Variants in ERBB4 observed in about 807,000 individuals in gnomAD.
The protein encoded by ERBB4 is erb-b2 receptor tyrosine kinase 4.
In ERBB4, 42 loss-of-function variants were observed where a neutral mutation model predicts 158.0. The ratio of observed to expected loss-of-function variants is 0.27; its 90% CI spans 0.21 to 0.34. The LOEUF (loss-of-function observed/expected upper bound fraction) is 0.34. ERBB4 is among the 10% of genes least tolerant of loss of function. The pLI, the probability that ERBB4 is intolerant of heterozygous loss-of-function variation, is 1.00. For synonymous variants in ERBB4, 583 were observed against 558.7 expected, an observed-to-expected ratio of 1.04 and a Z score of -0.61; for missense variants, 1,333 against 1,624.1, an observed-to-expected ratio of 0.82 and a Z score of 3.08.
intron 1 of ERBB4, among the ~76,000 whole-genome samples, chr2:212,263,305 A>T (rs1297084513): frequency 1.3e-5 from 2 of 151,976 alleles, no homozygotes; most frequent in African/African-American, 2.4e-5. Context: ...TGTTTTACCC[A>T]CTCAGTTTGT....
intron 20 of ERBB4, among the ~76,000 whole-genome samples, chr2:211,474,320 AC>A (rs1377952067): frequency 6.6e-6 from 1 of 151,964 alleles, no homozygotes; most frequent in Non-Finnish European, 1.5e-5. Flanking sequence ...ATTTCTCCAA[AC>A]CTATTATTAT....
intron 25 of ERBB4, among the ~76,000 whole-genome samples, chr2:211,410,200 TTATACGCAATGAATAATG>T (rs1233987525): frequency 6.6e-6 from 1 of 152,194 alleles, no homozygotes; most frequent in Non-Finnish European, 1.5e-5. Context: ...GTGTGGGACT[TTATACGCAATGAATAATG>T]TATTTGTTTT....
intron 2 of ERBB4, among the ~76,000 whole-genome samples, chr2:212,063,894 A>T (rs2077858951): frequency 6.6e-6 from 1 of 152,148 alleles, no homozygotes; most frequent in South Asian, 2.1e-4. Flanking sequence ...CCTCAGGAGT[A>T]GGAGCTATTA....
chr2:211,590,809 G>T (rs867793624), intron 19 of ERBB4, among the ~76,000 whole-genome samples: 3 of 152,192 alleles, frequency 2.0e-5, no homozygotes, highest in African/African-American at 7.2e-5. Flanking sequence ...AACCCATTGG[G>T]TGCTTACAAA....
chr2:212,160,833 T>TA (rs1194772054), intron 1 of ERBB4, among the ~76,000 whole-genome samples: 1 of 152,008 alleles, frequency 6.6e-6, no homozygotes, highest in African/African-American at 2.4e-5. Flanking sequence ...TTGTGAGATA[T>TA]CCGCACAAAT....
At chr2:212,437,831 C>A (rs776539057) in intron 1 of ERBB4, among the ~76,000 whole-genome samples, 1 of 151,898 alleles carries the variant, frequency 6.6e-6, no homozygotes, top group Non-Finnish European at 1.5e-5. Flanking sequence ...AATTAGAATA[C>A]CTCATCTTCC....
At chr2:212,044,235 T>C (rs189872055) in intron 2 of ERBB4, among the ~76,000 whole-genome samples, 2 of 152,122 alleles carry the variant, frequency 1.3e-5, no homozygotes, top group Admixed American at 1.3e-4. Flanking sequence ...GTTTAAAATA[T>C]AGACATAAAA....
intron 1 of ERBB4, among the ~76,000 whole-genome samples, chr2:212,282,216 T>A (rs975080538): frequency 1.3e-5 from 2 of 151,868 alleles, no homozygotes; most frequent in African/African-American, 4.8e-5. Context: ...CACAGGGATA[T>A]GTATTTTTTC....
At chr2:211,640,631 T>C (rs971416513) in intron 16 of ERBB4, among the ~76,000 whole-genome samples, 27 of 152,318 alleles carry the variant, frequency 1.8e-4, no homozygotes, top group African/African-American at 6.5e-4. Context: ...TAAATCCTTT[T>C]TCCATTAAAA....
At chr2:212,526,866 C>T (rs2106330439) in intron 1 of ERBB4, among the ~76,000 whole-genome samples, 1 of 152,132 alleles carries the variant, frequency 6.6e-6, no homozygotes, top group East Asian at 1.9e-4. Flanking sequence ...GCTAGTTGCA[C>T]AGCTGTATTA....
intron 1 of ERBB4, among the ~76,000 whole-genome samples, chr2:212,292,839 G>T (rs534639209): frequency 6.6e-6 from 1 of 152,150 alleles, no homozygotes; most frequent in Non-Finnish European, 1.5e-5. Flanking sequence ...CAATTAATAG[G>T]TCAAGTAAAA....
chr2:211,813,132 C>T (rs1347934654), intron 3 of ERBB4, among the ~76,000 whole-genome samples: 14 of 152,154 alleles, frequency 9.2e-5, no homozygotes, highest in Admixed American at 6.5e-5. Context: ...GCGTCAATCA[C>T]GCTGGGAGCT....
chr2:212,246,379 C>G (rs1232539112), intron 1 of ERBB4, among the ~76,000 whole-genome samples: 1 of 152,118 alleles, frequency 6.6e-6, no homozygotes, highest in Non-Finnish European at 1.5e-5. Context: ...GTGTACTATT[C>G]CTTCTCAAAA....
chr2:212,152,897 G>A (rs1445385131), intron 1 of ERBB4, among the ~76,000 whole-genome samples: 1 of 152,150 alleles, frequency 6.6e-6, no homozygotes, highest in Non-Finnish European at 1.5e-5. Flanking sequence ...GTAAGAGTGT[G>A]TAGTTCTAAG....
intron 12 of ERBB4, among the ~76,000 whole-genome samples, chr2:211,684,205 AT>A (rs1342395944): frequency 6.6e-6 from 1 of 152,196 alleles, no homozygotes; most frequent in Non-Finnish European, 1.5e-5. Context: ...TAATCCCAGC[AT>A]TTTGAGAGGC....
chr2:212,134,197 T>C (rs1224946712), intron 1 of ERBB4, among the ~76,000 whole-genome samples: 9 of 152,112 alleles, frequency 5.9e-5, no homozygotes. Flanking sequence ...GAGAAGTTTT[T>C]TTTTAATCTT....
intron 3 of ERBB4, among the ~76,000 whole-genome samples, chr2:211,841,565 A>G (rs991496): frequency 0.22 from 33,064 of 151,882 alleles, 3,727 homozygotes; most frequent in South Asian, 0.33. Context: ...ATATATTTGG[A>G]TATTTTGAAA....
chr2:211,676,546 A>C (rs1182993750), intron 13 of ERBB4, among the ~76,000 whole-genome samples: 1 of 151,852 alleles, frequency 6.6e-6, no homozygotes, highest in Non-Finnish European at 1.5e-5. Context: ...TATTAAATAA[A>C]AACAATGGTG....
chr2:211,879,150 A>G (rs2106143010), intron 3 of ERBB4, among the ~76,000 whole-genome samples: 1 of 152,300 alleles, frequency 6.6e-6, no homozygotes, highest in South Asian at 2.1e-4. Context: ...TTCACACAGA[A>G]AATCCTAGAC....
Sources: allele counts gnomAD v4.1 joint callset (sites outside exome capture counted in the v4.1 genomes callset), GRCh38; gene constraint gnomAD v4.1.1; transcripts MANE v1.5; gene names NCBI Gene and HGNC (gene_info 2026-07-23, HGNC 2026-07-21).